MAML2: variants seen among roughly 807,000 people sequenced by gnomAD.
MAML2 encodes mastermind-like protein 2.
A neutral mutation model predicts 96.1 loss-of-function variants in MAML2; 22 were observed. The ratio of observed to expected loss-of-function variants is 0.23; its 90% CI spans 0.16 to 0.33. The LOEUF (loss-of-function observed/expected upper bound fraction) is 0.33. Among genes scored for constraint, MAML2 ranks in the 10% least tolerant of loss-of-function variants. MAML2 has a pLI of 1.00. For missense variants in MAML2, 1,367 were observed against 1,392.4 expected (o/e 0.98, Z 0.29); for synonymous variants, 561 against 521.3 (o/e 1.08, Z -1.04).
At chr11:96,209,244 G>A (rs1331555063) in intron 1 of MAML2, among the ~76,000 whole-genome samples, 3 of 142,854 alleles carry the variant, frequency 2.1e-5, no homozygotes, top group Non-Finnish European at 3.0e-5. Flanking sequence ...GGGGTGGGGG[G>A]GCAGTCTTTT....
At chr11:96,078,764 G>A (rs1859487675) in intron 2 of MAML2, among the ~76,000 whole-genome samples, 1 of 152,236 alleles carries the variant, frequency 6.6e-6, no homozygotes. Context: ...GGTACTGTTG[G>A]TGCTTGCACA....
chr11:95,980,871 G>T (rs554897191), intron 4 of MAML2, among the ~76,000 whole-genome samples: 18 of 152,294 alleles, frequency 1.2e-4, no homozygotes, highest in African/African-American at 4.3e-4. Context: ...GCAGACAAGG[G>T]TCTCCCCCAC....
In MAML2 at chr11:95,981,657, T is replaced by C. The variant is rs560115574; in HGVS notation, c.2456-1694A>G. 1.4e-4 allele frequency among the ~76,000 whole-genome samples: 22 copies of C among 152,314 alleles called. 1 individual carries two copies. In the South Asian group the frequency reaches 3.3e-3, roughly 23 times the overall value. On this transcript the variant is annotated intron_variant, in intron 4 of 4. Transcript: ENST00000524717. ...GCAAGAACAGTCTCTTGTATCTCCT[T>C]GTATCTGTGTAGTGCATTGTGTAGT...
intron 1 of MAML2, among the ~76,000 whole-genome samples, chr11:96,159,571 G>T (rs367745107): frequency 1.3e-5 from 2 of 151,764 alleles, no homozygotes; most frequent in African/African-American, 2.4e-5. Context: ...GACTACAGGC[G>T]CCCGCCACCA....
At chr11:96,261,865 ATG>A (rs1230271050) in intron 1 of MAML2, among the ~76,000 whole-genome samples, 1 of 152,376 alleles carries the variant, frequency 6.6e-6, no homozygotes, top group African/African-American at 2.4e-5. Context: ...TTTCACCAAT[ATG>A]TGTTATGTTA....
chr11:96,137,050 C>T (rs1482449334), intron 1 of MAML2, among the ~76,000 whole-genome samples: 1 of 152,192 alleles, frequency 6.6e-6, no homozygotes, highest in Non-Finnish European at 1.5e-5. Flanking sequence ...TTAACTACAA[C>T]AATTCTCTTT....
rs1565277178 is a variant in MAML2 at position 96,299,055 on chromosome 11, A to AT, written c.513+42327_513+42328insA. ...GCGAGAGTCCATCTCAAAAAAAAAA[A>AT]AAAAAATATATATATATATATATAT... On this transcript the variant is annotated intron_variant, in intron 1 of 4. Coordinates refer to ENST00000524717, the MANE Select transcript of MAML2 (RefSeq NM_032427.4). Among the ~76,000 whole-genome samples the AT allele has an allele frequency of 1.1e-3, 101 of 94,660 alleles. No individual in the cohort carries two copies. The South Asian group carries it at 0.012, about 11-fold the overall frequency. The allele number at this position is 94,660 out of a possible 152,430, so 62.1% of individuals were successfully genotyped here.
intron 1 of MAML2, among the ~76,000 whole-genome samples, chr11:96,255,534 T>A (rs948231826): frequency 2.0e-5 from 3 of 152,184 alleles, no homozygotes; most frequent in African/African-American, 4.8e-5. Flanking sequence ...TTTTCTCACT[T>A]TCACATTTTT....
chr11:96,078,780 C>T (rs375580894), intron 2 of MAML2, among the ~76,000 whole-genome samples: 2 of 152,208 alleles, frequency 1.3e-5, no homozygotes, highest in South Asian at 4.1e-4. Context: ...GCACATGAGA[C>T]CTGTCAGTAA....
intron 2 of MAML2, among the ~76,000 whole-genome samples, chr11:96,009,540 T>C (rs1414593199): frequency 6.6e-6 from 1 of 152,162 alleles, no homozygotes; most frequent in African/African-American, 2.4e-5. Flanking sequence ...GGAGAGACTA[T>C]TGGTATGTGG....
chr11:96,204,986 T>C (rs577365771), intron 1 of MAML2, among the ~76,000 whole-genome samples: 1 of 152,322 alleles, frequency 6.6e-6, no homozygotes, highest in East Asian at 1.9e-4. Flanking sequence ...AAGCTCAGAG[T>C]CCTATATCTG....
intron 1 of MAML2, among the ~76,000 whole-genome samples, chr11:96,120,481 T>G (rs1591024889): frequency 6.6e-6 from 1 of 152,198 alleles, no homozygotes; most frequent in South Asian, 2.1e-4. Flanking sequence ...GAAGCCCAGA[T>G]CCTGACAGAT....
chr11:96,047,364 A>G (rs1450825286), intron 2 of MAML2, among the ~76,000 whole-genome samples: 1 of 152,168 alleles, frequency 6.6e-6, no homozygotes, highest in Non-Finnish European at 1.5e-5. Flanking sequence ...CTGTCATTTT[A>G]TAATAAAAAA....
chr11:96,247,474 T>C (rs944911435), intron 1 of MAML2, among the ~76,000 whole-genome samples: 1 of 152,142 alleles, frequency 6.6e-6, no homozygotes, highest in African/African-American at 2.4e-5. Flanking sequence ...GGGAAAAATT[T>C]AGCATTTTTT....
At chr11:96,044,630 G>C (rs1327524065) in intron 2 of MAML2, among the ~76,000 whole-genome samples, 5 of 151,352 alleles carry the variant, frequency 3.3e-5, no homozygotes, top group Non-Finnish European at 7.4e-5. Context: ...TCTTAGAAAG[G>C]ATTGTGACTG....
chr11:96,243,196 T>A (rs1440142868), intron 1 of MAML2, among the ~76,000 whole-genome samples: 3 of 152,232 alleles, frequency 2.0e-5, no homozygotes, highest in African/African-American at 7.2e-5. Context: ...TTCCTTGTCC[T>A]TCTCTCTTCC....
intron 2 of MAML2, among the ~76,000 whole-genome samples, chr11:96,008,029 A>C (rs930966380): frequency 9.5e-6 from 1 of 105,356 alleles, no homozygotes; most frequent in African/African-American, 3.9e-5. Context: ...AGTATAAAAA[A>C]AAAAAAAAAA....
chr11:96,341,473 A>C lies in MAML2; in HGVS notation c.423T>G (p.Ser141Arg). ...HHHHQQHLLN[S>R]SNNGGSGGIN... ...TCCCACCACTGCCACCATTATTGCTACTGTTCAGCAGGTGCTGCTGGTGGT... is the reference window on the plus strand; with the variant it reads ...TCCCACCACTGCCACCATTATTGCTCCTGTTCAGCAGGTGCTGCTGGTGGT... Residue 141 changes from serine to arginine, a missense_variant, in exon 1 of 5, where the codon AGT becomes AGG. Physicochemically the swap from Ser to Arg is moderately radical, Grantham distance 110 (BLOSUM62 -1). Coordinates refer to ENST00000524717, the MANE Select transcript of MAML2 (RefSeq NM_032427.4). The C allele has an allele frequency of 1.3e-6, 2 of 1,551,170 alleles. No individual in the cohort carries two copies. The highest frequency in any genetic ancestry group is 1.7e-6 in the Non-Finnish European group (2 of 1,146,876).
rs555608998 is a variant in MAML2 at position 96,014,439 on chromosome 11, C to T, written c.2140-22716G>A. 5.9e-5 allele frequency among the ~76,000 whole-genome samples: 9 copies of T among 152,242 alleles called. No individual in the cohort carries two copies. The East Asian group carries it at 9.7e-4, about 16-fold the overall frequency. On this transcript the variant is annotated intron_variant, in intron 2 of 4. Transcript: ENST00000524717. ...CAGAAAATGAACTTAACCACAGCCT[C>T]CTGGAATCAACATTTAAAACTAACA...
Sources: allele counts gnomAD v4.1 joint callset (sites outside exome capture counted in the v4.1 genomes callset), GRCh38; gene constraint gnomAD v4.1.1; transcripts MANE v1.5; gene names NCBI Gene and HGNC (gene_info 2026-07-23, HGNC 2026-07-21).